Variants in LPCAT1 observed in about 807,000 individuals in gnomAD.
LPCAT1 encodes the protein lysophosphatidylcholine acyltransferase 1.
LPCAT1 carries 23 observed loss-of-function variants against 60.9 expected under a neutral mutation model. The ratio of observed to expected loss-of-function variants is 0.38; its 90% confidence interval spans 0.27 to 0.53. The LOEUF (loss-of-function observed/expected upper bound fraction) is 0.53. Among genes scored for constraint, LPCAT1 ranks in the 20% least tolerant of loss-of-function variants. The probability of loss-of-function intolerance (pLI) is 0.82; values close to 1 mark genes in which losing one functional copy is unlikely to be tolerated. For missense variants in LPCAT1, 622 were observed against 723.6 expected (o/e 0.86, Z 1.61); for synonymous variants, 340 against 301.1 (o/e 1.13, Z -1.34).
Position 1,521,573 on chromosome 5 carries a change from T to C in LPCAT1, c.135+2137A>G, listed in dbSNP as rs903887280. On this transcript the variant is annotated intron_variant, in intron 1 of 13. Transcript: ENST00000283415. This position sits in a 1 kb window ranked among gnomAD's most constrained non-coding sequence, Gnocchi z 4.3. ...TTCTGCAGAGAACTTTGAGAACGTT[T>C]ACAAACTAAACCCTTGAGCCACACA... The C allele has an allele frequency of 4.7e-5, 34 of 723,760 alleles. No individual in the cohort carries two copies. The highest frequency in any genetic ancestry group is 7.1e-4 in the Middle Eastern group (1 of 1,418). 44.8% of individuals were successfully genotyped at this position (723,760 alleles called of 1,614,324 possible).
intron 1 of LPCAT1, among the ~76,000 whole-genome samples, chr5:1,516,545 G>C (rs981392221): frequency 2.0e-5 from 3 of 152,074 alleles, no homozygotes; most frequent in Non-Finnish European, 4.4e-5. Flanking sequence ...CAGGGCCCTT[G>C]CCCTCCAGTA....
intron 1 of LPCAT1, among the ~76,000 whole-genome samples, chr5:1,516,847 A>G (rs796843052): frequency 6.6e-6 from 1 of 152,184 alleles, no homozygotes; most frequent in South Asian, 2.1e-4. Context: ...ACAGCAGAGG[A>G]AAGACCACAC....
intron 2 of LPCAT1, among the ~76,000 whole-genome samples, chr5:1,499,256 G>C (rs1024332285): frequency 6.6e-6 from 1 of 152,186 alleles, no homozygotes; most frequent in Non-Finnish European, 1.5e-5. Context: ...GTGCTCGCAC[G>C]GGGCTCCTGC....
At chr5:1,474,757 C>G in intron 9 of LPCAT1, 72 bp from the exon 10 acceptor site, 7 of 1,545,348 alleles carry the variant, frequency 4.5e-6, no homozygotes, top group Non-Finnish European at 6.1e-6. Context: ...CCAGAATAAC[C>G]GCCGATGGCT....
intron 5 of LPCAT1, among the ~76,000 whole-genome samples, chr5:1,485,010 A>C (rs3806883): frequency 0.27 from 40,838 of 152,132 alleles, 5,936 homozygotes; most frequent in East Asian, 0.43. Context: ...GCCGAGTCCC[A>C]GCCCCTGAGA....
chr5:1,464,601 A>G (rs565152262), intron 13 of LPCAT1, among the ~76,000 whole-genome samples: 19 of 151,786 alleles, frequency 1.3e-4, no homozygotes, highest in South Asian at 8.3e-4. Flanking sequence ...ACATGTGCGC[A>G]CACACACAAA....
intron 1 of LPCAT1, among the ~76,000 whole-genome samples, chr5:1,520,343 G>A (rs1736632779): frequency 1.3e-5 from 2 of 152,114 alleles, no homozygotes; most frequent in South Asian, 2.1e-4. Context: ...TTCTATGCAG[G>A]GCCACCAGGC....
rs935726977 is a variant in LPCAT1, at chr5:1,508,086, G to A, written c.136-6483C>T. ...GTCCTTGGCAGACACCAAATCTGCCGGCATCTTGGACTTCAGCCTCCAGAA... is the reference window on the plus strand; with the variant it reads ...GTCCTTGGCAGACACCAAATCTGCCAGCATCTTGGACTTCAGCCTCCAGAA... On this transcript the variant is annotated intron_variant, in intron 1 of 13. Transcript: ENST00000283415. Among the ~76,000 whole-genome samples, 3 of 152,164 alleles carry A rather than the reference G, an allele frequency of 2.0e-5. No homozygotes were observed. The South Asian group carries it at 6.2e-4, about 32-fold the overall frequency.
chr5:1,489,823 G>A lies in LPCAT1; in HGVS notation c.529C>T (p.Arg177Trp), dbSNP rs1560973042. Residue 177 changes from arginine to tryptophan, a missense_variant, in exon 4 of 14, where the codon CGG becomes TGG. By Grantham distance (101) the Arg-to-Trp change is moderately radical. Coordinates refer to ENST00000283415, the MANE Select transcript of LPCAT1 (RefSeq NM_024830.5). ...TTCCTGCGAGAATCCTGGTCTGACC[G>A]GGACACGAACACAGGCCGTATATAC... The part of the protein sequence containing the change: ...IQYIRPVFVS[R>W]SDQDSRRKTV... 1 of 1,614,004 alleles carries A rather than the reference G, an allele frequency of 6.2e-7. No individual in the cohort carries two copies. Among genetic ancestry groups the A allele is most frequent in the African/African-American group, 1.3e-5 (1 of 75,066 alleles).
intron 12 of LPCAT1, among the ~76,000 whole-genome samples, chr5:1,467,739 T>C (rs1282718624): frequency 6.6e-6 from 1 of 151,178 alleles, no homozygotes; most frequent in African/African-American, 2.5e-5. Flanking sequence ...ACGGGCTCTG[T>C]GGCAGCGCTT....
chr5:1,506,085 CAG>C (rs1736178392), intron 1 of LPCAT1, among the ~76,000 whole-genome samples: 1 of 152,216 alleles, frequency 6.6e-6, no homozygotes, highest in African/African-American at 2.4e-5. Context: ...CCTCGGCAAA[CAG>C]GGCTGATGAG....
chr5:1,523,951 C>G lies in LPCAT1; in HGVS notation c.-107G>C. Reference sequence around the variant, plus strand: ...GGCGCGGGCCGAGGATGCGCGGCGGCTGGAGCGGGCCGGGCGCGCAGGCGC... The same window carrying G: ...GGCGCGGGCCGAGGATGCGCGGCGGGTGGAGCGGGCCGGGCGCGCAGGCGC... On this transcript the variant is annotated 5_prime_UTR_variant, in exon 1 of 14. Transcript: ENST00000283415. This position sits in a 1 kb window ranked among gnomAD's most constrained non-coding sequence, Gnocchi z 7.1. 1 of 814,872 alleles carries G rather than the reference C, an allele frequency of 1.2e-6. No individual in the cohort carries two copies. Among genetic ancestry groups the G allele is most frequent in the South Asian group, 5.4e-5 (1 of 18,618 alleles). 50.5% of individuals were successfully genotyped at this position (814,872 alleles called of 1,614,324 possible).
rs1324267437 is a variant in LPCAT1 at position 1,481,006 on chromosome 5, A to C, written c.727-30T>G. 1 of 1,613,098 alleles carries C rather than the reference A, an allele frequency of 6.2e-7. No individual in the cohort carries two copies. The highest frequency in any genetic ancestry group is 1.3e-5 in the African/African-American group (1 of 74,896). On this transcript the variant is annotated intron_variant, in intron 6 of 13. Transcript: ENST00000283415. This position sits in a 1 kb window ranked among gnomAD's most constrained non-coding sequence, Gnocchi z 7.8. Reference sequence around the variant, plus strand: ...GGAGGAAGAGGCAGGGTCAGTCAGCATGGGGCCTGCACCCAGGGCCTGCAC... The same window carrying C: ...GGAGGAAGAGGCAGGGTCAGTCAGCCTGGGGCCTGCACCCAGGGCCTGCAC...
chr5:1,517,827 G>A (rs1454352297), intron 1 of LPCAT1, among the ~76,000 whole-genome samples: 12 of 152,246 alleles, frequency 7.9e-5, no homozygotes, highest in African/African-American at 2.4e-4. Context: ...GGAAAAGGCC[G>A]CTGTTCCCAG....
rs1480454842 is a variant in LPCAT1 at position 1,476,398 on chromosome 5, G to C, written c.899+1006C>G. On this transcript the variant is annotated intron_variant, in intron 9 of 13. Transcript: ENST00000283415. The surrounding 1 kb of genome is among the most constrained non-coding windows in gnomAD (Gnocchi z 8.6). ...GCTTTGGGAGGGAGAGGATGGGAAC[G>C]TGAGGGAACGGGCCGCCCAGCTGAA... Among the ~76,000 whole-genome samples, 2 of 152,196 alleles carry C rather than the reference G, an allele frequency of 1.3e-5. No individual in the cohort carries two copies. The highest frequency in any genetic ancestry group is 2.9e-5 in the Non-Finnish European group (2 of 68,040).
At chr5:1,509,658 C>T (rs1303819357) in intron 1 of LPCAT1, among the ~76,000 whole-genome samples, 1 of 152,190 alleles carries the variant, frequency 6.6e-6, no homozygotes, top group East Asian at 1.9e-4. Context: ...AGGAAACGCC[C>T]TCCTTTTCTG....
chr5:1,479,227 T>C (rs999421489), intron 8 of LPCAT1, among the ~76,000 whole-genome samples: 3 of 152,130 alleles, frequency 2.0e-5, no homozygotes, highest in Non-Finnish European at 4.4e-5. Context: ...GAGACCCATC[T>C]CTACAAAAAT....
intron 1 of LPCAT1, among the ~76,000 whole-genome samples, chr5:1,506,185 G>C (rs558755434): frequency 1.3e-5 from 2 of 152,352 alleles, no homozygotes; most frequent in Admixed American, 1.3e-4. Context: ...GCAGTGCTGT[G>C]AAAACTGCTT....
chr5:1,498,175 C>T (rs1166385326), intron 2 of LPCAT1, among the ~76,000 whole-genome samples: 2 of 152,176 alleles, frequency 1.3e-5, no homozygotes, highest in South Asian at 2.1e-4. Context: ...AGTCCCAAAC[C>T]GACTACGTAA....
Sources: gnomAD v4.1 joint callset for allele counts (sites outside exome capture counted in the v4.1 genomes callset) on GRCh38, gnomAD v4.1.1 for gene constraint, Gnocchi (gnomAD v3.1) non-coding constraint, MANE v1.5 for transcripts, NCBI Gene and HGNC (gene_info 2026-07-23, HGNC 2026-07-21) for gene names.